The following IQCB1 variants were observed in gnomAD, a reference collection of about 807,000 sequenced individuals.
IQCB1 encodes the protein IQ calmodulin-binding motif-containing protein 1.
A neutral mutation model predicts 84.4 loss-of-function variants in IQCB1; 56 were observed. That is an observed-to-expected ratio of 0.66 (90% CI 0.54 to 0.83). The LOEUF is 0.83. IQCB1 is among the 40% of genes least tolerant of loss of function. The pLI, the probability that IQCB1 is intolerant of heterozygous loss-of-function variation, is 0.00. For missense variants in IQCB1, 629 were observed against 682.1 expected, an observed-to-expected ratio of 0.92 and a Z score of 0.87; for synonymous variants, 210 against 234.8, an observed-to-expected ratio of 0.89 and a Z score of 0.96.
intron 11 of IQCB1, among the ~76,000 whole-genome samples, chr3:121,788,839 C>T (rs1948842763): frequency 1.3e-5 from 2 of 152,128 alleles, no homozygotes; most frequent in Admixed American, 1.3e-4. Context: ...GTCAGTTATA[C>T]AGATGACTTT....
At chr3:121,776,205 G>A (rs1242505460) in intron 13 of IQCB1, among the ~76,000 whole-genome samples, 6 of 152,198 alleles carry the variant, frequency 3.9e-5, no homozygotes, top group Admixed American at 6.5e-5. Flanking sequence ...AATTATGGGC[G>A]TGAGTCACCA....
At chr3:121,785,255 CTT>C (rs1012749746) in intron 12 of IQCB1, among the ~76,000 whole-genome samples, 15 of 143,732 alleles carry the variant, frequency 1.0e-4, no homozygotes, top group Non-Finnish European at 1.1e-4. Context: ...CTTTATATTA[CTT>C]TTTTTTTTTT....
At chr3:121,832,389 G>A (rs1950675228) in intron 2 of IQCB1, among the ~76,000 whole-genome samples, 1 of 148,908 alleles carries the variant, frequency 6.7e-6, no homozygotes, top group Non-Finnish European at 1.5e-5. Context: ...GTGCAGTGGT[G>A]CAATCTCAGC....
At chr3:121,805,683 T>C (rs1237897827) in intron 7 of IQCB1, among the ~76,000 whole-genome samples, 1 of 152,168 alleles carries the variant, frequency 6.6e-6, no homozygotes, top group Non-Finnish European at 1.5e-5. Context: ...AGTTTGGCTG[T>C]TGGAAACAGG....
Position 121,799,356 on chromosome 3 carries a change from T to C in IQCB1, c.606A>G (p.Ile202Met). The change falls in exon 8 of 15, where the codon ATA becomes ATG. Residue 202 changes from isoleucine (I) to methionine (M), a missense_variant. Coordinates refer to ENST00000310864, the MANE Select transcript of IQCB1 (RefSeq NM_001023570.4). ...LQINSGDLLR[I>M]GRKALYSILD... is the part of the protein sequence containing the mutation. ...AAATTGAATACAGGGCTTTTCTTCC[T>C]ATTCTGAGTAAATCACCACTAATAG... is the stretch of plus-strand genomic sequence containing the variant. 6.3e-7 allele frequency: 1 copy of C among 1,588,732 alleles called. No individual in the cohort carries two copies. Among genetic ancestry groups the C allele is most frequent in the Non-Finnish European group, 8.6e-7 (1 of 1,159,120 alleles).
intron 2 of IQCB1, among the ~76,000 whole-genome samples, chr3:121,829,547 G>C (rs551051954): frequency 9.8e-5 from 15 of 152,298 alleles, no homozygotes; most frequent in African/African-American, 3.4e-4. Context: ...TGCCAGTCGA[G>C]AGTACCTATA....
At chr3:121,816,456 A>G (rs529920221) in intron 5 of IQCB1, among the ~76,000 whole-genome samples, 1 of 152,332 alleles carries the variant, frequency 6.6e-6, no homozygotes, top group Admixed American at 6.5e-5. Context: ...TGCATGGCAA[A>G]AGAAACTATC....
At chr3:121,831,719 T>A (rs1559807612) in intron 2 of IQCB1, among the ~76,000 whole-genome samples, 2 of 152,220 alleles carry the variant, frequency 1.3e-5, no homozygotes, top group Non-Finnish European at 2.9e-5. Flanking sequence ...GTCACAGAAG[T>A]CTTTTGTGTT....
At chr3:121,828,744 G>T in intron 3 of IQCB1, 112 bp from the exon 4 acceptor site, 1 of 1,005,816 alleles carries the variant, frequency 9.9e-7, no homozygotes, top group Non-Finnish European at 1.5e-6. Context: ...AAAAATTACT[G>T]TTCTATTATA....
intron 8 of IQCB1, among the ~76,000 whole-genome samples, chr3:121,798,582 A>G (rs1949288047): frequency 6.6e-6 from 1 of 151,910 alleles, no homozygotes; most frequent in South Asian, 2.1e-4. Flanking sequence ...ATCCCATAGG[A>G]TTGTTGTAAA....
At chr3:121,805,569 T>C (rs906611729) in intron 7 of IQCB1, among the ~76,000 whole-genome samples, 7 of 152,150 alleles carry the variant, frequency 4.6e-5, no homozygotes, top group African/African-American at 1.7e-4. Context: ...GTCTTGCTTT[T>C]ATGATCTGGA....
At chr3:121,771,101 A>AATC (rs1947963623) in intron 14 of IQCB1, among the ~76,000 whole-genome samples, 1 of 151,988 alleles carries the variant, frequency 6.6e-6, no homozygotes, top group Non-Finnish European at 1.5e-5. Context: ...CCTCCTGAGT[A>AATC]GCTGGGATTA....
intron 5 of IQCB1, among the ~76,000 whole-genome samples, chr3:121,822,667 G>A (rs1401319802): frequency 6.6e-6 from 1 of 152,160 alleles, no homozygotes; most frequent in Non-Finnish European, 1.5e-5. Context: ...GGGTTAACAT[G>A]GTGGGCTTTC....
At chr3:121,830,234 G>T (rs1213037219) in intron 2 of IQCB1, among the ~76,000 whole-genome samples, 1 of 149,602 alleles carries the variant, frequency 6.7e-6, no homozygotes, top group Non-Finnish European at 1.5e-5. Context: ...TAATAAATAA[G>T]TAAATAGTAT....
chr3:121,802,602 C>T (rs1949445596), intron 7 of IQCB1, among the ~76,000 whole-genome samples: 1 of 152,062 alleles, frequency 6.6e-6, no homozygotes, highest in African/African-American at 2.4e-5. Flanking sequence ...AAACTTCAAT[C>T]TTCCCAAAGA....
At chr3:121,810,657 G>A (rs904367397) in intron 5 of IQCB1, among the ~76,000 whole-genome samples, 4 of 151,978 alleles carry the variant, frequency 2.6e-5, no homozygotes, top group Non-Finnish European at 5.9e-5. Context: ...AAATAAAGGT[G>A]CTTTGAAGAA....
At chr3:121,789,810 A>T (rs965893887) in intron 11 of IQCB1, among the ~76,000 whole-genome samples, 2 of 152,212 alleles carry the variant, frequency 1.3e-5, no homozygotes, top group African/African-American at 4.8e-5. Flanking sequence ...ATCTTTATGC[A>T]TACATTTTTA....
At chr3:121,816,411 T>C (rs1950058794) in intron 5 of IQCB1, among the ~76,000 whole-genome samples, 3 of 152,038 alleles carry the variant, frequency 2.0e-5, no homozygotes, top group Admixed American at 6.5e-5. Context: ...AAAGCCAAAA[T>C]AGACAAATGG....
intron 5 of IQCB1, among the ~76,000 whole-genome samples, chr3:121,820,268 C>A (rs1412353734): frequency 1.3e-5 from 2 of 152,088 alleles, no homozygotes; most frequent in Non-Finnish European, 2.9e-5. Context: ...GAGCACCTAG[C>A]AAATTCATCT....
Sources: gnomAD v4.1 joint callset for allele counts (sites outside exome capture counted in the v4.1 genomes callset) on GRCh38, gnomAD v4.1.1 for gene constraint, MANE v1.5 for transcripts, NCBI Gene and HGNC (gene_info 2026-07-23, HGNC 2026-07-21) for gene names.